COL24A1: variants seen among roughly 807,000 people sequenced by gnomAD.
COL24A1 encodes the protein collagen alpha-1(XXIV) chain.
A neutral mutation model predicts 253.9 loss-of-function variants in COL24A1; 224 were observed. The observed-to-expected ratio is 0.88, with a 90% CI of 0.79 to 0.99. The LOEUF (loss-of-function observed/expected upper bound fraction) is 0.99. COL24A1 is among the 50% of genes least tolerant of loss of function. The pLI, the probability that COL24A1 is intolerant of heterozygous loss-of-function variation, is 0.00. For synonymous variants in COL24A1, 685 were observed against 673.7 expected (o/e 1.02, Z -0.26); for missense variants, 2,131 against 2,068.5 (o/e 1.03, Z -0.59).
chr1:86,071,671 G>A (rs1701882706), intron 7 of COL24A1, among the ~76,000 whole-genome samples: 1 of 152,096 alleles, frequency 6.6e-6, no homozygotes, highest in South Asian at 2.1e-4. Context: ...TTATAACAAA[G>A]GGGTCAATTC....
intron 53 of COL24A1, among the ~76,000 whole-genome samples, chr1:85,763,758 G>C (rs1667079250): frequency 6.6e-6 from 1 of 151,998 alleles, no homozygotes; most frequent in Non-Finnish European, 1.5e-5. Context: ...GCCTCCCAAA[G>C]TGCTGGGATT....
intron 22 of COL24A1, among the ~76,000 whole-genome samples, 162 bp from the exon 23 acceptor site, chr1:85,965,224 C>T (rs1691448066): frequency 6.6e-6 from 1 of 152,062 alleles, no homozygotes; most frequent in South Asian, 2.1e-4. Flanking sequence ...ATTCATTCTA[C>T]AAATATCCAA....
intron 7 of COL24A1, among the ~76,000 whole-genome samples, chr1:86,086,624 A>G (rs1703083757): frequency 2.6e-5 from 4 of 152,180 alleles, no homozygotes; most frequent in Admixed American, 2.6e-4. Context: ...AGAAGAGGTA[A>G]TTTTTCCACC....
intron 3 of COL24A1, among the ~76,000 whole-genome samples, chr1:86,120,608 G>A (rs1281512574): frequency 6.6e-6 from 1 of 152,296 alleles, no homozygotes; most frequent in Non-Finnish European, 1.5e-5. Flanking sequence ...TCTCACACCA[G>A]TTAGAATGGC....
intron 14 of COL24A1, among the ~76,000 whole-genome samples, chr1:86,027,700 T>C (rs1698173439): frequency 7.1e-6 from 1 of 140,362 alleles, no homozygotes; most frequent in Admixed American, 7.8e-5. Context: ...AAATGTAGGG[T>C]CAGAGGCCCC....
Position 85,729,894 on chromosome 1 carries a change from C to T in COL24A1, c.*652G>A, listed in dbSNP as rs1254143026. On this transcript the variant is annotated 3_prime_UTR_variant, in exon 60 of 60. Coordinates refer to ENST00000370571, the MANE Select transcript of COL24A1 (RefSeq NM_152890.7). ...TTTCACGTGTTATTAAGTGTGTGAC[C>T]AAACAAATTAAAATAAGTACTAACA... 1 of 152,346 alleles carries T rather than the reference C, an allele frequency of 6.6e-6. No homozygotes were observed. The highest frequency in any genetic ancestry group is 1.9e-4 in the East Asian group (1 of 5,192). The allele number at this position is 152,346 out of a possible 1,614,324, so 9.4% of individuals were successfully genotyped here.
intron 38 of COL24A1, among the ~76,000 whole-genome samples, 169 bp downstream of exon 38, chr1:85,849,184 C>A (rs1327961943): frequency 6.6e-6 from 1 of 152,036 alleles, no homozygotes; most frequent in Non-Finnish European, 1.5e-5. Flanking sequence ...ATAATAAGTA[C>A]TCCTAACTGA....
intron 22 of COL24A1, among the ~76,000 whole-genome samples, chr1:85,969,562 G>A (rs1394345786): frequency 2.6e-5 from 3 of 115,952 alleles, no homozygotes; most frequent in South Asian, 3.0e-4. Flanking sequence ...TCAAGATCAC[G>A]CCACTGCACT....
chr1:85,800,969 T>C (rs1177243746), intron 47 of COL24A1, among the ~76,000 whole-genome samples: 1 of 151,972 alleles, frequency 6.6e-6, no homozygotes, highest in Non-Finnish European at 1.5e-5. Flanking sequence ...ACAAAATGCA[T>C]CTACAACATC....
chr1:86,023,902 T>C (rs1697782378), intron 14 of COL24A1, among the ~76,000 whole-genome samples: 1 of 152,140 alleles, frequency 6.6e-6, no homozygotes, highest in South Asian at 2.1e-4. Context: ...TCCTTACTAC[T>C]CTTTATAATG....
chr1:85,733,935 C>T (rs1663780080), intron 59 of COL24A1, among the ~76,000 whole-genome samples: 1 of 148,168 alleles, frequency 6.7e-6, no homozygotes, highest in South Asian at 2.1e-4. Flanking sequence ...CAGAGTCTTA[C>T]TCTGCTGCCC....
chr1:85,780,256 A>C (rs1167192617), intron 52 of COL24A1, among the ~76,000 whole-genome samples: 1 of 152,210 alleles, frequency 6.6e-6, no homozygotes, highest in Admixed American at 6.5e-5. Context: ...GGTACTAAAC[A>C]CTTGAAGCAT....
chr1:86,064,324 G>T (rs930239777), intron 7 of COL24A1, among the ~76,000 whole-genome samples: 1 of 152,058 alleles, frequency 6.6e-6, no homozygotes, highest in African/African-American at 2.4e-5. Context: ...TAGTAACAAA[G>T]AATATTTTCC....
At chr1:86,129,740 A>G (rs1648868147) in intron 2 of COL24A1, among the ~76,000 whole-genome samples, 1 of 151,850 alleles carries the variant, frequency 6.6e-6, no homozygotes, top group African/African-American at 2.4e-5. Flanking sequence ...ACTTAATAGT[A>G]TTATGATCAG....
intron 25 of COL24A1, 62 bp downstream of exon 25, chr1:85,911,318 T>C (rs1205779978): frequency 7.9e-7 from 1 of 1,258,306 alleles, no homozygotes; most frequent in Non-Finnish European, 1.2e-6. Context: ...CATATGAAAG[T>C]CTGCCTTTTG....
chr1:85,951,658 C>T (rs1689945733), intron 24 of COL24A1, among the ~76,000 whole-genome samples: 1 of 152,118 alleles, frequency 6.6e-6, no homozygotes, highest in African/African-American at 2.4e-5. Flanking sequence ...GACTCATTTT[C>T]CCCCTTATAA....
rs900117813 is a variant in COL24A1, at chr1:86,112,435, A to T, written c.1599+132T>A. On this transcript the variant is annotated intron_variant, in intron 5 of 59. Transcript: ENST00000370571. Reference sequence around the variant, plus strand: ...CCAGGCTAAGACAATCATGTTGAAGAATCATGCTCTGGAGGTGACAGAGAT... The same window carrying T: ...CCAGGCTAAGACAATCATGTTGAAGTATCATGCTCTGGAGGTGACAGAGAT... The T allele has an allele frequency of 5.9e-6, 4 of 676,186 alleles. No individual in the cohort carries two copies. In the Admixed American group the frequency reaches 8.6e-5, roughly 15 times the overall value. 41.9% of individuals were successfully genotyped at this position (676,186 alleles called of 1,614,324 possible). A position where few individuals can be genotyped will look rare whatever the true frequency, so the allele number is the denominator to read the frequency against.
At chr1:85,951,197 A>C (rs1485131715) in intron 24 of COL24A1, among the ~76,000 whole-genome samples, 1 of 152,206 alleles carries the variant, frequency 6.6e-6, no homozygotes, top group African/African-American at 2.4e-5. Flanking sequence ...GTACAAAAAT[A>C]AGGCATGTGG....
At chr1:85,970,044 T>A (rs1279436567) in intron 22 of COL24A1, among the ~76,000 whole-genome samples, 183 bp downstream of exon 22, 1 of 152,176 alleles carries the variant, frequency 6.6e-6, no homozygotes, top group Non-Finnish European at 1.5e-5. Flanking sequence ...AGGCATAACA[T>A]CATTCAAAAT....
Sources: allele counts gnomAD v4.1 joint callset (sites outside exome capture counted in the v4.1 genomes callset), GRCh38; gene constraint gnomAD v4.1.1; transcripts MANE v1.5; gene names NCBI Gene and HGNC (gene_info 2026-07-23, HGNC 2026-07-21).